CHST9: variants seen among roughly 807,000 people sequenced by gnomAD.
CHST9 encodes GalNAc-4-sulfotransferase 2.
A neutral mutation model predicts 44.4 loss-of-function variants in CHST9; 41 were observed. The observed-to-expected ratio is 0.92, with a 90% CI of 0.72 to 1.20. CHST9 has a LOEUF of 1.20. Among genes scored for constraint, CHST9 ranks in the 50% most tolerant of loss-of-function variants. CHST9 has a pLI of 0.00. For missense variants in CHST9, 504 were observed against 516.5 expected, an observed-to-expected ratio of 0.98 and a Z score of 0.23; for synonymous variants, 171 against 178.4, an observed-to-expected ratio of 0.96 and a Z score of 0.33.
At chr18:26,953,906 G>C (rs1598590208) in intron 4 of CHST9, among the ~76,000 whole-genome samples, 1 of 152,170 alleles carries the variant, frequency 6.6e-6, no homozygotes, top group East Asian at 1.9e-4. Flanking sequence ...TGCTTGAACT[G>C]TTTTGAAGGT....
At chr18:27,027,496 T>C (rs1395156688) in intron 3 of CHST9, among the ~76,000 whole-genome samples, 1 of 152,224 alleles carries the variant, frequency 6.6e-6, no homozygotes, top group Non-Finnish European at 1.5e-5. Flanking sequence ...TTTTGAAAGA[T>C]TGATTTGGTC....
chr18:26,992,510 T>G (rs1355986704), intron 4 of CHST9, among the ~76,000 whole-genome samples: 6 of 152,180 alleles, frequency 3.9e-5, no homozygotes, highest in African/African-American at 1.4e-4. Context: ...CAGATTAGAG[T>G]GTGAAAAAAT....
At chr18:27,011,513 G>A (rs1479484544) in intron 4 of CHST9, among the ~76,000 whole-genome samples, 1 of 152,182 alleles carries the variant, frequency 6.6e-6, no homozygotes, top group Non-Finnish European at 1.5e-5. Flanking sequence ...TAAATCACTT[G>A]TTGAGGGGCC....
intron 2 of CHST9, among the ~76,000 whole-genome samples, chr18:27,118,703 C>T (rs892056793): frequency 6.6e-6 from 1 of 152,352 alleles, no homozygotes; most frequent in South Asian, 2.1e-4. Flanking sequence ...AGGCCATGCT[C>T]ACCTATGCTG....
chr18:27,125,198 T>C (rs1249174903), intron 2 of CHST9, among the ~76,000 whole-genome samples: 3 of 152,326 alleles, frequency 2.0e-5, no homozygotes, highest in Non-Finnish European at 1.5e-5. Flanking sequence ...ATATTTCATA[T>C]GATAAGAAAT....
chr18:27,112,999 C>T (rs552702480), intron 2 of CHST9, among the ~76,000 whole-genome samples: 1 of 152,078 alleles, frequency 6.6e-6, no homozygotes, highest in South Asian at 2.1e-4. Flanking sequence ...ACTATCCTGG[C>T]TAATGTAGTG....
At chr18:26,953,957 T>C (rs975779712) in intron 4 of CHST9, among the ~76,000 whole-genome samples, 1 of 152,168 alleles carries the variant, frequency 6.6e-6, no homozygotes, top group African/African-American at 2.4e-5. Flanking sequence ...GAAAAGAAGA[T>C]GAGATTATGA....
At chr18:26,975,703 GTA>G (rs200040193) in intron 4 of CHST9, among the ~76,000 whole-genome samples, 5 of 106,874 alleles carry the variant, frequency 4.7e-5, no homozygotes, top group Admixed American at 1.1e-4. Context: ...ATATATATGT[GTA>G]TATATGTGTG....
chr18:27,016,800 A>C (rs1418941706), intron 4 of CHST9, among the ~76,000 whole-genome samples: 1 of 152,192 alleles, frequency 6.6e-6, no homozygotes, highest in African/African-American at 2.4e-5. Context: ...TATAGTATGC[A>C]CATATGATAT....
chr18:27,072,558 G>C (rs566564971), intron 2 of CHST9, among the ~76,000 whole-genome samples: 1 of 152,218 alleles, frequency 6.6e-6, no homozygotes, highest in East Asian at 1.9e-4. Flanking sequence ...TGTGTGACCT[G>C]TAACTAAGTT....
chr18:27,108,827 T>C (rs1315317099), intron 2 of CHST9, among the ~76,000 whole-genome samples: 1 of 152,248 alleles, frequency 6.6e-6, no homozygotes, highest in Non-Finnish European at 1.5e-5. Flanking sequence ...AATTATTCTT[T>C]GTTTTTTGTT....
At chr18:26,983,400 C>G (rs2145194918) in intron 4 of CHST9, among the ~76,000 whole-genome samples, 1 of 152,206 alleles carries the variant, frequency 6.6e-6, no homozygotes, top group African/African-American at 2.4e-5. Flanking sequence ...ACAGTGAGTT[C>G]TCATGAGATC....
chr18:26,922,568 G>A (rs2055678579), intron 5 of CHST9, among the ~76,000 whole-genome samples: 1 of 152,052 alleles, frequency 6.6e-6, no homozygotes, highest in Non-Finnish European at 1.5e-5. Context: ...AAAAAAATAT[G>A]GAAAAATGTG....
At chr18:26,932,988 T>C (rs2055908133) in intron 5 of CHST9, 1 of 153,820 alleles carries the variant, frequency 6.5e-6, no homozygotes, top group African/African-American at 2.4e-5. Flanking sequence ...CCTACCTTTA[T>C]CCAGGCACTT....
At chr18:27,171,546 C>T (rs2058833664) in intron 1 of CHST9, among the ~76,000 whole-genome samples, 1 of 152,080 alleles carries the variant, frequency 6.6e-6, no homozygotes, top group Non-Finnish European at 1.5e-5. Context: ...TTTTTATTTT[C>T]TTAGTATACA....
chr18:27,049,492 C>A (rs928375234), intron 2 of CHST9, among the ~76,000 whole-genome samples: 3 of 151,968 alleles, frequency 2.0e-5, no homozygotes, highest in African/African-American at 7.2e-5. Context: ...ATTGGAGCAT[C>A]CAGGCTTATA....
At chr18:27,118,432 G>T (rs910908426) in intron 2 of CHST9, among the ~76,000 whole-genome samples, 1 of 152,120 alleles carries the variant, frequency 6.6e-6, no homozygotes, top group African/African-American at 2.4e-5. Context: ...ACATTATGTA[G>T]TAAGTTTATA....
At chr18:27,146,965 C>T (rs2058617371) in intron 1 of CHST9, among the ~76,000 whole-genome samples, 1 of 152,214 alleles carries the variant, frequency 6.6e-6, no homozygotes, top group Non-Finnish European at 1.5e-5. Context: ...TGGCTACAAA[C>T]GGAAGTATTT....
intron 2 of CHST9, among the ~76,000 whole-genome samples, chr18:27,122,339 T>C (rs995955225): frequency 1.3e-5 from 2 of 152,240 alleles, no homozygotes; most frequent in Non-Finnish European, 2.9e-5. Flanking sequence ...TAAGAGCTTT[T>C]GTCTTACATT....
Sources: gnomAD v4.1 joint callset for allele counts (sites outside exome capture counted in the v4.1 genomes callset) on GRCh38, gnomAD v4.1.1 for gene constraint, MANE v1.5 for transcripts, NCBI Gene and HGNC (gene_info 2026-07-23, HGNC 2026-07-21) for gene names.